The following NUP107 variants were observed in gnomAD, a reference collection of about 807,000 sequenced individuals.
NUP107 encodes nucleoporin 107.
Under a neutral mutation model 141.0 loss-of-function variants are expected in NUP107, and 101 were observed. The observed-to-expected ratio is 0.72, with a 90% CI of 0.61 to 0.84. The LOEUF is 0.84. Ranked by LOEUF, NUP107 falls within the 40% of genes least tolerant of loss-of-function variation. The pLI, the probability that NUP107 is intolerant of heterozygous loss-of-function variation, is 0.00. For missense variants in NUP107, 941 were observed against 1,102.7 expected, an observed-to-expected ratio of 0.85 and a Z score of 2.08; for synonymous variants, 319 against 363.9, an observed-to-expected ratio of 0.88 and a Z score of 1.41.
chr12:68,690,188 T>C (rs936654428), intron 3 of NUP107, among the ~76,000 whole-genome samples: 38 of 151,018 alleles, frequency 2.5e-4, no homozygotes, highest in Non-Finnish European at 7.4e-5. Context: ...AAATCCCAGT[T>C]CCATTATTTA....
intron 8 of NUP107, chr12:68,706,029 TC>T: frequency 1.2e-6 from 1 of 843,470 alleles, no homozygotes; most frequent in Non-Finnish European, 2.0e-6. Flanking sequence ...AGAAGACGGC[TC>T]AGAGCAACAT....
intron 3 of NUP107, 177 bp from the exon 4 acceptor site, chr12:68,690,454 A>G (rs1875727174): frequency 1.2e-6 from 1 of 837,522 alleles, no homozygotes; most frequent in Non-Finnish European, 1.8e-6. Context: ...GCTCAAATTT[A>G]GAAAAATAAG....
At chr12:68,723,056 A>G (rs988056722) in intron 17 of NUP107, among the ~76,000 whole-genome samples, 3 of 152,308 alleles carry the variant, frequency 2.0e-5, no homozygotes, top group African/African-American at 7.2e-5. Context: ...ATCAGGTTGT[A>G]TACCTTAAAA....
In NUP107 at chr12:68,715,607, A is replaced by C. The variant is rs1197474426; in HGVS notation, c.970-20A>C. On this transcript the variant is annotated intron_variant, in intron 11 of 27. Transcript: ENST00000229179. ...TACAAAGGATTTATGGTTGATGATGACTTTTTTTTCTTCTTACAGGACCCT... is the reference window on the plus strand; with the variant it reads ...TACAAAGGATTTATGGTTGATGATGCCTTTTTTTTCTTCTTACAGGACCCT... 1.4e-6 allele frequency: 2 copies of C among 1,381,652 alleles called. No individual in the cohort carries two copies. The highest frequency in any genetic ancestry group is 2.3e-5 in the South Asian group (2 of 86,130). 85.6% of individuals were successfully genotyped at this position (1,381,652 alleles called of 1,614,324 possible). A position where few individuals can be genotyped will look rare whatever the true frequency, so the allele number is the denominator to read the frequency against.
intron 11 of NUP107, chr12:68,714,150 C>A (rs1183104874): frequency 5.4e-6 from 1 of 185,152 alleles, no homozygotes; most frequent in South Asian, 1.6e-4. Context: ...AAAACTAAAG[C>A]CTTATTGGTT....
At chr12:68,731,034 C>T in intron 20 of NUP107, 76 bp from the exon 21 acceptor site, 1 of 951,350 alleles carries the variant, frequency 1.1e-6, no homozygotes, top group Admixed American at 2.8e-5. Flanking sequence ...ATGAACCTCT[C>T]CTGAATACAT....
At position 68,743,422 on chromosome 12, in the gene NUP107, A is replaced by G. The variant is rs1878400739; in HGVS notation, c.*960A>G. The G allele has an allele frequency of 6.6e-6, 1 of 152,256 alleles. No homozygotes were observed. Among genetic ancestry groups the G allele is most frequent in the South Asian group, 2.1e-4 (1 of 4,832 alleles). 9.4% of individuals were successfully genotyped at this position (152,256 alleles called of 1,614,324 possible). ...GTCTCCAAAAAAAGAAAGAATTACA[A>G]GTAGTCTGAGCAGGAAGAACCTCTC... On this transcript the variant is annotated 3_prime_UTR_variant, in exon 28 of 28. Transcript: ENST00000229179.
intron 18 of NUP107, 41 bp downstream of exon 18, chr12:68,725,837 GTT>G (rs373666468): frequency 1.4e-3 from 861 of 619,350 alleles, no homozygotes; most frequent in Middle Eastern, 2.7e-3. Context: ...TTTTGTGTGT[GTT>G]TTTTTTTTTT....
In NUP107 at chr12:68,721,880, G is replaced by A. The variant is rs768430323; in HGVS notation, c.1351G>A (p.Ala451Thr). Residue 451 changes from alanine to threonine, a missense_variant, in exon 16 of 28, where the codon GCC becomes ACC. Ala to Thr is a moderately conservative substitution (Grantham distance 58). Coordinates refer to ENST00000229179, the MANE Select transcript of NUP107 (RefSeq NM_020401.4). ...TGACACCTGGGAAGACACAGTTTGGGCCTACTTCCGGGTGATGGTGGACAG... is the reference window on the plus strand; with the variant it reads ...TGACACCTGGGAAGACACAGTTTGGACCTACTTCCGGGTGATGGTGGACAG... ...VCDTWEDTVWAYFRVMVDSLV... is the reference protein window; with the variant it reads ...VCDTWEDTVWTYFRVMVDSLV... The A allele has an allele frequency of 1.9e-5, 30 of 1,613,956 alleles. No homozygotes were observed. The South Asian group carries it at 3.2e-4, about 17-fold the overall frequency.
chr12:68,721,987 G>A lies in NUP107; in HGVS notation c.1457+1G>A, dbSNP rs1418830404. ...TCCCTAGAGAATATCTGGGAGCAAA[G>A]TGAGTTTGTTGGATTGTTTTGAGTC... is the stretch of plus-strand genomic sequence containing the variant. On this transcript the variant is annotated splice_donor_variant, in intron 16 of 27. Transcript: ENST00000229179. LOFTEE classifies it high-confidence loss of function. 1.9e-6 allele frequency: 3 copies of A among 1,613,474 alleles called. No homozygotes were observed. The highest frequency in any genetic ancestry group is 2.5e-6 in the Non-Finnish European group (3 of 1,179,768).
chr12:68,721,865 G>C lies in NUP107; in HGVS notation c.1336G>C (p.Glu446Gln). Residue 446 changes from glutamate (E) to glutamine (Q), a missense_variant, in exon 16 of 28, where the codon GAA (glutamate) becomes CAA (glutamine). Physicochemically the swap from Glu to Gln is conservative, Grantham distance 29. Coordinates refer to ENST00000229179, the MANE Select transcript of NUP107 (RefSeq NM_020401.4). ...GCTGCTTCCTGTCTGTGACACCTGG[G>C]AAGACACAGTTTGGGCCTACTTCCG... ...KQLLPVCDTW[E>Q]DTVWAYFRVM... is the part of the protein sequence containing the mutation. 6.2e-7 allele frequency: 1 copy of C among 1,613,946 alleles called. No individual in the cohort carries two copies. The highest frequency in any genetic ancestry group is 1.1e-5 in the South Asian group (1 of 91,034).
chr12:68,707,116 C>T, intron 8 of NUP107: 1 of 561,490 alleles, frequency 1.8e-6, no homozygotes, highest in Non-Finnish European at 3.2e-6. Context: ...TGCGGCTGCC[C>T]CAGAGAGGCT....
chr12:68,709,298 C>A lies in NUP107; in HGVS notation c.790C>A (p.Arg264=). Reference sequence around the variant, plus strand: ...GTTATTTCAGAGGGATTCACTTGTTCGACAAAGTCAGGTATGACTAGAATT... The same window carrying A: ...GTTATTTCAGAGGGATTCACTTGTTAGACAAAGTCAGGTATGACTAGAATT... ...EALFQRDSLV[R]QSQLVVDWLE... The change falls in exon 9 of 28, where the codon CGA becomes AGA. Residue 264 remains arginine, a synonymous_variant. Transcript: ENST00000229179. 1 of 1,595,872 alleles carries A rather than the reference C, an allele frequency of 6.3e-7. No individual in the cohort carries two copies.
chr12:68,687,969 A>C (rs553350065), intron 1 of NUP107, among the ~76,000 whole-genome samples: 3 of 152,310 alleles, frequency 2.0e-5, no homozygotes, highest in East Asian at 3.9e-4. Context: ...GTTGTTGACC[A>C]GGTGCTCAAG....
At chr12:68,733,409 G>C in intron 23 of NUP107, 43 bp from the exon 24 acceptor site, 1 of 1,558,222 alleles carries the variant, frequency 6.4e-7, no homozygotes, top group Admixed American at 1.9e-5. Context: ...AACCATTACA[G>C]AGAAGTCCGT....
intron 5 of NUP107, among the ~76,000 whole-genome samples, chr12:68,696,069 TA>T (rs1310617116): frequency 6.6e-6 from 1 of 151,792 alleles, no homozygotes; most frequent in Non-Finnish European, 1.5e-5. Context: ...TCTTGCCAAT[TA>T]AAAAAAATTT....
At position 68,721,975 on chromosome 12, in the gene NUP107, T is replaced by C. The variant is rs1483787792; in HGVS notation, c.1446T>C (p.Tyr482=). 2 of 1,613,534 alleles carry C rather than the reference T, an allele frequency of 1.2e-6. No individual in the cohort carries two copies. Among genetic ancestry groups the C allele is most frequent in the South Asian group, 2.2e-5 (2 of 90,944 alleles). Reference sequence around the variant, plus strand: ...AAACTGAAGAACTCCCTAGAGAATATCTGGGAGCAAAGTGAGTTTGTTGGA... The same window carrying C: ...AAACTGAAGAACTCCCTAGAGAATACCTGGGAGCAAAGTGAGTTTGTTGGA... ...LDETEELPRE[Y]LGANWTLEKV... is the part of the protein sequence containing the mutation. Residue 482 remains tyrosine (Y), a synonymous_variant, in exon 16 of 28, where the codon TAT becomes TAC. Transcript: ENST00000229179.
chr12:68,730,214 C>CTTTTT lies in NUP107; in HGVS notation c.1735-879_1735-875dup, dbSNP rs756700880. Among the ~76,000 whole-genome samples, 9 of 85,372 alleles carry CTTTTT rather than the reference C, an allele frequency of 1.1e-4. 1 individual carries two copies. Among genetic ancestry groups the CTTTTT allele is most frequent in the East Asian group, 3.5e-4 (1 of 2,882 alleles). 56.0% of individuals were successfully genotyped at this position (85,372 alleles called of 152,430 possible). On this transcript the variant is annotated intron_variant, in intron 20 of 27. Transcript: ENST00000229179. ...CTCCTGCCCTCAGGGGTGATACTAC[C>CTTTTT]TTTTTTTTTTTTTTTTTTTTTGAGA...
At chr12:68,695,147 T>C (rs1289380396) in intron 5 of NUP107, among the ~76,000 whole-genome samples, 1 of 152,160 alleles carries the variant, frequency 6.6e-6, no homozygotes, top group Non-Finnish European at 1.5e-5. Flanking sequence ...GTGGAGAAAT[T>C]CAAATCCTTG....
Sources: gnomAD v4.1 joint callset for allele counts (sites outside exome capture counted in the v4.1 genomes callset) on GRCh38, gnomAD v4.1.1 for gene constraint, MANE v1.5 for transcripts, NCBI Gene and HGNC (gene_info 2026-07-23, HGNC 2026-07-21) for gene names.